The following ATG3 variants were observed in gnomAD, a reference collection of about 807,000 sequenced individuals.
ATG3 encodes ubiquitin-like-conjugating enzyme ATG3.
In ATG3, 25 loss-of-function variants were observed where a neutral mutation model predicts 50.7. The observed-to-expected ratio is 0.49, with a 90% CI of 0.36 to 0.69. The LOEUF is 0.69. Among genes scored for constraint, ATG3 ranks in the 30% least tolerant of loss-of-function variants. The pLI is 0.00. For missense variants in ATG3, 281 were observed against 376.0 expected (o/e 0.75, Z 2.09); for synonymous variants, 119 against 125.5 (o/e 0.95, Z 0.34).
At position 112,533,405 on chromosome 3, in the gene ATG3, A is replaced by T. The variant is rs900989434; in HGVS notation, c.864-625T>A. The T allele has an allele frequency of 7.1e-6, 7 of 985,106 alleles. No individual in the cohort carries two copies. In the African/African-American group the frequency reaches 1.2e-4, roughly 17 times the overall value. 61.0% of individuals were successfully genotyped at this position (985,106 alleles called of 1,614,324 possible). ...ACCTAGCATCCAGCAGAGATGTGCC[A>T]GTTAGGCATAATAGGACTTCAGGAG... On this transcript the variant is annotated intron_variant, in intron 11 of 11. Coordinates refer to ENST00000283290, the MANE Select transcript of ATG3 (RefSeq NM_022488.5).
intron 4 of ATG3, among the ~76,000 whole-genome samples, chr3:112,549,663 G>C (rs944242094): frequency 9.2e-5 from 14 of 152,108 alleles, no homozygotes; most frequent in Admixed American, 3.3e-4. Context: ...ACAAAAATTA[G>C]CCGGGCGTGG....
chr3:112,555,089 T>TA (rs1264168547), intron 2 of ATG3, among the ~76,000 whole-genome samples: 1 of 152,096 alleles, frequency 6.6e-6, no homozygotes, highest in Non-Finnish European at 1.5e-5. Flanking sequence ...TAATTAAAAA[T>TA]AAAAAATTCT....
chr3:112,532,982 G>A (rs183468391), intron 11 of ATG3: 56 of 1,203,802 alleles, frequency 4.7e-5, no homozygotes, highest in Middle Eastern at 3.4e-4. Flanking sequence ...CCACTCATTC[G>A]ATTATTGAAT....
intron 10 of ATG3, 102 bp downstream of exon 10, chr3:112,536,373 A>C: frequency 1.4e-6 from 2 of 1,416,938 alleles, no homozygotes; most frequent in South Asian, 2.7e-5. Flanking sequence ...TTAGTAAGAA[A>C]ATTTTTTTCT....
In ATG3 at chr3:112,537,859, G is replaced by C; in HGVS notation, c.542C>G (p.Ala181Gly). The stretch of plus-strand genomic sequence containing the variant: ...GCCAGCATCAGTTTTGGCTTTACAA[G>C]CTTCTACTATTTTCCTTGTATCTAG... ...ATLDTRKIVE[A>G]CKAKTDAGGE... The change falls in exon 9 of 12, where the codon GCT becomes GGT. Residue 181 changes from alanine (A) to glycine (G), a missense_variant. This residue lies in a region of ATG3 where 242 missense variants were observed against 305.0 expected (regional missense o/e 0.79). Coordinates refer to ENST00000283290, the MANE Select transcript of ATG3 (RefSeq NM_022488.5). The C allele has an allele frequency of 6.2e-7, 1 of 1,611,314 alleles. No homozygotes were observed. Among genetic ancestry groups the C allele is most frequent in the Non-Finnish European group, 8.5e-7 (1 of 1,179,294 alleles).
chr3:112,561,857 T>C lies in ATG3; in HGVS notation c.-329A>G, dbSNP rs540963684. Reference sequence around the variant, plus strand: ...GGACGCACACGCACCCCTCGCCCTCTGCGAGCTGTCTGTCCTCGCTTTGCT... The same window carrying C: ...GGACGCACACGCACCCCTCGCCCTCCGCGAGCTGTCTGTCCTCGCTTTGCT... On this transcript the variant is annotated 5_prime_UTR_variant, in exon 1 of 12. Coordinates refer to ENST00000283290, the MANE Select transcript of ATG3 (RefSeq NM_022488.5). 66 of 349,964 alleles carry C rather than the reference T, an allele frequency of 1.9e-4. No individual in the cohort carries two copies. The highest frequency in any genetic ancestry group is 4.7e-4 in the Admixed American group (9 of 18,978). 21.7% of individuals were successfully genotyped at this position (349,964 alleles called of 1,614,324 possible).
chr3:112,550,246 A>C lies in ATG3; in HGVS notation c.181T>G (p.Leu61Val). ...PTWQWATGEELKVKAYLPTGK... is the reference protein window; with the variant it reads ...PTWQWATGEEVKVKAYLPTGK... Reference sequence around the variant, plus strand: ...GTTGGTAGGTATGCCTTCACTTTCAATTCTTCCCCTGTAGCCCTTTAAAAA... The same window carrying C: ...GTTGGTAGGTATGCCTTCACTTTCACTTCTTCCCCTGTAGCCCTTTAAAAA... Residue 61 changes from leucine to valine, a missense_variant, in exon 4 of 12, where the codon TTG (leucine) becomes GTG (valine). Around this residue, in one of 3 missense-constraint regions of ATG3, gnomAD observed 17 missense variants for 48.2 expected, o/e 0.35. Transcript: ENST00000283290. 1 of 1,612,960 alleles carries C rather than the reference A, an allele frequency of 6.2e-7. No individual in the cohort carries two copies. The highest frequency in any genetic ancestry group is 8.5e-7 in the Non-Finnish European group (1 of 1,179,510).
chr3:112,534,478 C>T (rs1576711864), intron 10 of ATG3, 141 bp from the exon 11 acceptor site: 2 of 443,156 alleles, frequency 4.5e-6, no homozygotes, highest in Non-Finnish European at 7.6e-6. Context: ...ACTATCTCCC[C>T]CACCACTCCC....
At chr3:112,556,834 CG>C (rs1933697477) in intron 2 of ATG3, among the ~76,000 whole-genome samples, 1 of 151,408 alleles carries the variant, frequency 6.6e-6, no homozygotes, top group African/African-American at 2.4e-5. Flanking sequence ...GCAGCATGCT[CG>C]TTAAGAGTCA....
chr3:112,552,774 C>T (rs1206344986), intron 3 of ATG3, among the ~76,000 whole-genome samples: 1 of 151,792 alleles, frequency 6.6e-6, no homozygotes, highest in East Asian at 1.9e-4. Context: ...CCTCAGCCTC[C>T]CAAGTAGCTG....
intron 6 of ATG3, 82 bp downstream of exon 6, chr3:112,543,975 G>T: frequency 1.0e-6 from 1 of 962,030 alleles, no homozygotes; most frequent in South Asian, 1.9e-5. Context: ...AAGATATGGT[G>T]ATTATATATG....
chr3:112,548,509 T>C, intron 5 of ATG3, 24 bp downstream of exon 5: 1 of 1,541,360 alleles, frequency 6.5e-7, no homozygotes, highest in Non-Finnish European at 9.0e-7. Context: ...AAACTAAATA[T>C]ATGTCATTTT....
intron 2 of ATG3, among the ~76,000 whole-genome samples, chr3:112,555,386 C>G (rs917971063): frequency 7.9e-5 from 12 of 152,152 alleles, no homozygotes; most frequent in African/African-American, 2.7e-4. Flanking sequence ...CTCTTATTAT[C>G]TTTATTATCA....
chr3:112,561,200 C>T (rs551360424), intron 1 of ATG3, among the ~76,000 whole-genome samples: 26 of 152,344 alleles, frequency 1.7e-4, no homozygotes, highest in African/African-American at 5.8e-4. Flanking sequence ...ACCCGACGTA[C>T]CCGACCGCGC....
At chr3:112,533,402 G>A (rs746402358) in intron 11 of ATG3, 36 of 985,060 alleles carry the variant, frequency 3.7e-5, no homozygotes, top group Admixed American at 6.2e-5. Context: ...GCAGAGATGT[G>A]CCAGTTAGGC....
intron 7 of ATG3, 98 bp downstream of exon 7, chr3:112,541,705 A>T (rs995380482): frequency 2.7e-6 from 3 of 1,093,580 alleles, no homozygotes; most frequent in Non-Finnish European, 4.0e-6. Context: ...GCTAAATGCT[A>T]AACTTACAAC....
chr3:112,536,879 C>T (rs1387297992), intron 9 of ATG3: 1 of 141,132 alleles, frequency 7.1e-6, no homozygotes, highest in Admixed American at 9.5e-5. Flanking sequence ...TGAGATTGCG[C>T]CACTGCACTC....
chr3:112,534,463 T>G, intron 10 of ATG3, 126 bp from the exon 11 acceptor site: 3 of 558,334 alleles, frequency 5.4e-6, no homozygotes, highest in Non-Finnish European at 8.3e-6. Context: ...ATAGTTATAT[T>G]ATAAACTATC....
intron 8 of ATG3, 92 bp downstream of exon 8, chr3:112,538,054 A>ATTTTC (rs1242336680): frequency 8.1e-7 from 1 of 1,241,636 alleles, no homozygotes; most frequent in East Asian, 2.5e-5. Flanking sequence ...ACAAATTAGA[A>ATTTTC]TGTCTTTGAA....
Sources: gnomAD v4.1 joint callset for allele counts (sites outside exome capture counted in the v4.1 genomes callset) on GRCh38, gnomAD v4.1.1 for gene constraint, gnomAD v4.1.1 regional missense constraint, MANE v1.5 for transcripts, NCBI Gene and HGNC (gene_info 2026-07-23, HGNC 2026-07-21) for gene names.